The following DLGAP2 variants were observed in gnomAD, a reference collection of about 807,000 sequenced individuals.
DLGAP2 encodes DLG associated protein 2, also known as disks large-associated protein 2.
DLGAP2 carries 26 observed loss-of-function variants against 100.3 expected under a neutral mutation model. That is an observed-to-expected ratio of 0.26 (90% CI 0.19 to 0.36). The LOEUF (loss-of-function observed/expected upper bound fraction) is 0.36, where lower values mean the gene tolerates loss of function less well. Among genes scored for constraint, DLGAP2 ranks in the 10% least tolerant of loss-of-function variants. The probability of loss-of-function intolerance (pLI) is 1.00; values close to 1 mark genes in which losing one functional copy is unlikely to be tolerated. For missense variants in DLGAP2, 1,858 were observed against 1,453.2 expected (o/e 1.28, Z -4.53); for synonymous variants, 886 against 630.1 (o/e 1.41, Z -6.08).
At chr8:1,152,070 T>C (rs1796707297) in intron 2 of DLGAP2, among the ~76,000 whole-genome samples, 1 of 152,236 alleles carries the variant, frequency 6.6e-6, no homozygotes, top group African/African-American at 2.4e-5. Flanking sequence ...ATATTCCATT[T>C]TAGTTTGCAT....
At chr8:832,520 G>T (rs925591414) in intron 1 of DLGAP2, among the ~76,000 whole-genome samples, 3 of 152,158 alleles carry the variant, frequency 2.0e-5, no homozygotes, top group African/African-American at 7.2e-5. Context: ...CTCTGCGTCT[G>T]ATTGGTGAAT....
At chr8:1,128,508 C>G (rs1796221260) in intron 2 of DLGAP2, among the ~76,000 whole-genome samples, 1 of 152,208 alleles carries the variant, frequency 6.6e-6, no homozygotes, top group Non-Finnish European at 1.5e-5. Context: ...GGACTCAGCG[C>G]GGTCACATGC....
chr8:833,373 G>C (rs1231502188), intron 1 of DLGAP2, among the ~76,000 whole-genome samples: 1 of 152,170 alleles, frequency 6.6e-6, no homozygotes, highest in African/African-American at 2.4e-5. Flanking sequence ...AGTCTTGCTG[G>C]GCTAAAATCC....
In DLGAP2 at chr8:1,318,537, C is replaced by G. The variant is rs183187255; in HGVS notation, c.106+59654C>G. ...CCTGACTTTGAAGTTTAGGCCTCCA[C>G]AGGAGGCCTGTTGTCAGGGCCGGTT... On this transcript the variant is annotated intron_variant, in intron 3 of 14. Transcript: ENST00000637795. Among the ~76,000 whole-genome samples, 523 of 151,134 alleles carry G rather than the reference C, an allele frequency of 3.5e-3. 2 individuals carry two copies. Among genetic ancestry groups the G allele is most frequent in the Middle Eastern group, 6.8e-3 (2 of 292 alleles).
At chr8:1,033,143 C>A (rs894124278) in intron 2 of DLGAP2, among the ~76,000 whole-genome samples, 1 of 152,036 alleles carries the variant, frequency 6.6e-6, no homozygotes, top group Non-Finnish European at 1.5e-5. Context: ...CTGTCTCAGG[C>A]ACTGACCTTC....
chr8:1,116,354 G>C (rs997701576), intron 2 of DLGAP2, among the ~76,000 whole-genome samples: 1 of 152,206 alleles, frequency 6.6e-6, no homozygotes, highest in Non-Finnish European at 1.5e-5. Flanking sequence ...TTGATGCCCG[G>C]AAGACTTGGG....
At chr8:902,083 A>T (rs1048808616) in intron 1 of DLGAP2, among the ~76,000 whole-genome samples, 19 of 152,242 alleles carry the variant, frequency 1.2e-4, no homozygotes, top group African/African-American at 4.3e-4. Context: ...CCGCAGAGGG[A>T]TTGCTCAGGA....
intron 2 of DLGAP2, among the ~76,000 whole-genome samples, chr8:1,224,565 A>T (rs772245128): frequency 6.6e-6 from 1 of 152,204 alleles, no homozygotes; most frequent in Non-Finnish European, 1.5e-5. Flanking sequence ...TGAAACTGTA[A>T]CTTTATTATT....
At chr8:1,524,580 T>A (rs1800725028) in intron 4 of DLGAP2, among the ~76,000 whole-genome samples, 1 of 152,100 alleles carries the variant, frequency 6.6e-6, no homozygotes, top group Non-Finnish European at 1.5e-5. Context: ...CCCCATCTTC[T>A]CCTTGTGTCC....
At chr8:1,546,859 C>T (rs1050679945) in intron 4 of DLGAP2, among the ~76,000 whole-genome samples, 3 of 152,090 alleles carry the variant, frequency 2.0e-5, no homozygotes, top group Admixed American at 2.0e-4. Flanking sequence ...GAATTCGTTC[C>T]GGGATCCGAG....
chr8:1,270,524 C>G (rs1239675361), intron 3 of DLGAP2, among the ~76,000 whole-genome samples: 1 of 152,194 alleles, frequency 6.6e-6, no homozygotes. Flanking sequence ...CTAAGCCCAG[C>G]GGACAGAGTC....
intron 2 of DLGAP2, among the ~76,000 whole-genome samples, chr8:1,054,609 A>G (rs1227335040): frequency 6.6e-6 from 1 of 152,230 alleles, no homozygotes; most frequent in Non-Finnish European, 1.5e-5. Context: ...CCAGTAATTT[A>G]TCATCCCTCT....
chr8:823,137 C>G (rs1393215470), intron 1 of DLGAP2, among the ~76,000 whole-genome samples: 4 of 152,042 alleles, frequency 2.6e-5, no homozygotes, highest in African/African-American at 9.7e-5. Flanking sequence ...GGCAGCTTCA[C>G]ACGTTCTGGC....
intron 2 of DLGAP2, among the ~76,000 whole-genome samples, chr8:967,830 A>T (rs1435699822): frequency 0.014 from 152 of 11,156 alleles, 14 homozygotes; most frequent in Admixed American, 0.033. Context: ...ATATATATAT[A>T]TATATATATA....
intron 2 of DLGAP2, among the ~76,000 whole-genome samples, chr8:1,133,073 A>G (rs916767421): frequency 1.3e-5 from 2 of 152,212 alleles, no homozygotes; most frequent in Non-Finnish European, 2.9e-5. Flanking sequence ...TGTGAAGGAC[A>G]GTTCAAGGGC....
At chr8:859,828 G>T (rs912001864) in intron 1 of DLGAP2, among the ~76,000 whole-genome samples, 1 of 152,142 alleles carries the variant, frequency 6.6e-6, no homozygotes, top group Non-Finnish European at 1.5e-5. Flanking sequence ...CGGTGTAGGG[G>T]CCACCTCACA....
At chr8:981,187 C>T (rs1382525208) in intron 2 of DLGAP2, among the ~76,000 whole-genome samples, 2 of 152,080 alleles carry the variant, frequency 1.3e-5, no homozygotes, top group Non-Finnish European at 2.9e-5. Context: ...TCCTTTGGTG[C>T]CTGGCTTATT....
At chr8:1,036,804 G>A (rs765844817) in intron 2 of DLGAP2, among the ~76,000 whole-genome samples, 91 of 152,284 alleles carry the variant, frequency 6.0e-4, no homozygotes, top group Non-Finnish European at 1.1e-3. Flanking sequence ...AGTGTCAATA[G>A]GCAGTCATGG....
chr8:764,302 T>C (rs933414759), intron 1 of DLGAP2, among the ~76,000 whole-genome samples: 1 of 152,208 alleles, frequency 6.6e-6, no homozygotes, highest in Non-Finnish European at 1.5e-5. Context: ...AGTTTCCATC[T>C]AGAGAAATTG....
Sources: allele counts gnomAD v4.1 joint callset (sites outside exome capture counted in the v4.1 genomes callset), GRCh38; gene constraint gnomAD v4.1.1; transcripts MANE v1.5; gene names NCBI Gene and HGNC (gene_info 2026-07-23, HGNC 2026-07-21).